TNRC18: variants seen among roughly 807,000 people sequenced by gnomAD.
TNRC18 encodes the protein trinucleotide repeat containing 18, also known as trinucleotide repeat-containing gene 18 protein.
Under a neutral mutation model 226.7 loss-of-function variants are expected in TNRC18, and 69 were observed. That is an observed-to-expected ratio of 0.30 (90% CI 0.25 to 0.37). TNRC18 has a LOEUF of 0.37. Among genes scored for constraint, TNRC18 ranks in the 10% least tolerant of loss-of-function variants. The pLI is 1.00. For missense variants in TNRC18, 4,754 were observed against 4,256.6 expected (o/e 1.12, Z -3.25); for synonymous variants, 2,449 against 1,927.6 (o/e 1.27, Z -7.09).
chr7:5,321,405 C>G (rs1788344453), intron 21 of TNRC18, among the ~76,000 whole-genome samples: 2 of 152,076 alleles, frequency 1.3e-5, no homozygotes, highest in Non-Finnish European at 2.9e-5. Flanking sequence ...CGTGGCCAGC[C>G]CCTCTCCTCC....
Position 5,363,630 on chromosome 7 carries a change from G to T in TNRC18, c.4220-805C>A, listed in dbSNP as rs369696730. ...ATCAATCAATCAATCAATCGAACAG[G>T]AGAGAAGGCAGCACGCCTGGCACAG... On this transcript the variant is annotated intron_variant, in intron 11 of 29. Transcript: ENST00000430969. 1.4e-4 allele frequency among the ~76,000 whole-genome samples: 21 copies of T among 152,176 alleles called. No individual in the cohort carries two copies. The East Asian group carries it at 3.1e-3, about 22-fold the overall frequency.
At chr7:5,407,700 G>GCCAGCCAATGATATGCAAATACGTCCATC in intron 2 of TNRC18, among the ~76,000 whole-genome samples, 1 of 152,230 alleles carries the variant, frequency 6.6e-6, no homozygotes, top group Non-Finnish European at 1.5e-5. Flanking sequence ...AAGGCCTCAG[G>GCCAGCCAATGATATGCAAATACGTCCATC]CCAGCCAATG....
At chr7:5,383,099 A>C (rs1318589422) in intron 5 of TNRC18, among the ~76,000 whole-genome samples, 1 of 151,826 alleles carries the variant, frequency 6.6e-6, no homozygotes, top group East Asian at 1.9e-4. Flanking sequence ...TCGGGGTTTC[A>C]CTATGTTGCC....
chr7:5,400,572 ACTG>A (rs1781015081), intron 2 of TNRC18, among the ~76,000 whole-genome samples: 2 of 152,314 alleles, frequency 1.3e-5, no homozygotes, highest in South Asian at 4.1e-4. Context: ...AGATCACGCC[ACTG>A]CACTCCAGCC....
chr7:5,405,670 G>T (rs1314642568), intron 2 of TNRC18, among the ~76,000 whole-genome samples: 1 of 152,176 alleles, frequency 6.6e-6, no homozygotes, highest in Non-Finnish European at 1.5e-5. Context: ...GTGAACCCAG[G>T]AGGGGGAGGT....
chr7:5,350,386 G>C (rs1476428126), intron 17 of TNRC18, among the ~76,000 whole-genome samples: 1 of 151,256 alleles, frequency 6.6e-6, no homozygotes, highest in Admixed American at 6.6e-5. Context: ...GGTCTGGGAG[G>C]GGAGGCGGTA....
rs1788776412 is a variant in TNRC18 at position 5,325,231 on chromosome 7, C to T, written c.6165G>A (p.Glu2055=). The change falls in exon 20 of 30, where the codon GAG becomes GAA. Residue 2055 remains glutamate (E), a synonymous_variant. Transcript: ENST00000430969. The part of the protein sequence containing the change: ...KDPRKKKKGK[E]AGPGAGLPPP... ...GCGGCAGCCCAGCTCCTGGCCCAGC[C>T]TCTTTCCCTTTCTTCTTCTGGAGGA... 1.3e-6 allele frequency: 2 copies of T among 1,553,800 alleles called. No homozygotes were observed. The highest frequency in any genetic ancestry group is 3.9e-5 in the Admixed American group (2 of 51,624).
chr7:5,374,196 GGGA>G lies in TNRC18; in HGVS notation c.3085_3087del (p.Ser1029del). The G allele has an allele frequency of 7.0e-7, 1 of 1,436,156 alleles. No individual in the cohort carries two copies. Among genetic ancestry groups the G allele is most frequent in the Non-Finnish European group, 9.1e-7 (1 of 1,094,444 alleles). The allele number at this position is 1,436,156 out of a possible 1,614,324, so 89.0% of individuals were successfully genotyped here. On this transcript the variant is annotated inframe_deletion, in exon 10 of 30. Coordinates refer to ENST00000430969, the MANE Select transcript of TNRC18 (RefSeq NM_001080495.3). ...GAGGCGGGCGGCGGGCTGGTGGGGT[GGGA>G]GCTGGGGGTGGCGGGGTAGGCGTAG...
At position 5,317,821 on chromosome 7, in the gene TNRC18, T is replaced by C. The variant is rs372650948; in HGVS notation, c.6746-1749A>G. On this transcript the variant is annotated intron_variant, in intron 24 of 29. Transcript: ENST00000430969. ...CCCAGGCTCAGGTGATCCTCCCACT[T>C]CGGTCTCCCAAGTAGCTAGGACAAC... Among the ~76,000 whole-genome samples, 52 of 151,748 alleles carry C rather than the reference T, an allele frequency of 3.4e-4. No homozygotes were observed. In the East Asian group the frequency reaches 8.9e-3, roughly 26 times the overall value.
intron 21 of TNRC18, among the ~76,000 whole-genome samples, chr7:5,322,808 G>A (rs1788511395): frequency 6.6e-6 from 1 of 152,192 alleles, no homozygotes; most frequent in Non-Finnish European, 1.5e-5. Context: ...GCTGGGAGAG[G>A]GATGGGTGGG....
Position 5,332,690 on chromosome 7 carries a change from C to T in TNRC18, c.6079G>A (p.Ala2027Thr), listed in dbSNP as rs1289004181. The T allele has an allele frequency of 7.2e-6, 11 of 1,530,070 alleles. No individual in the cohort carries two copies. In the South Asian group the frequency reaches 8.5e-5, roughly 12 times the overall value. The allele number at this position is 1,530,070 out of a possible 1,614,324, so 94.8% of individuals were successfully genotyped here. The part of the protein sequence containing the change: ...TAPATKTSRC[A>T]KGGPLSPRKD... ...CGCGGGCTCAGGGGGCCGCCCTTGG[C>T]GCAGCGGCTGGTCTTGGTGGCGGGC... The change falls in exon 19 of 30, where the codon GCC becomes ACC. Residue 2027 changes from alanine (A) to threonine (T), a missense_variant. Ala to Thr is a moderately conservative substitution (Grantham distance 58). Coordinates refer to ENST00000430969, the MANE Select transcript of TNRC18 (RefSeq NM_001080495.3).
At chr7:5,369,896 G>A (rs1793983892) in intron 11 of TNRC18, among the ~76,000 whole-genome samples, 1 of 152,020 alleles carries the variant, frequency 6.6e-6, no homozygotes, top group Non-Finnish European at 1.5e-5. Context: ...TCACTCAACA[G>A]GACGCTTAAA....
chr7:5,315,003 G>C lies in TNRC18; in HGVS notation c.7008C>G (p.Pro2336=), dbSNP rs1418131402. 20 of 1,607,338 alleles carry C rather than the reference G, an allele frequency of 1.2e-5. No individual in the cohort carries two copies. The highest frequency in any genetic ancestry group is 1.5e-5 in the Non-Finnish European group (18 of 1,177,814). Residue 2336 remains proline (P), a synonymous_variant, in exon 26 of 30, where the codon CCC becomes CCG. Coordinates refer to ENST00000430969, the MANE Select transcript of TNRC18 (RefSeq NM_001080495.3). ...ACCTACCACCCTTGGCCTTGGCGCT[G>C]GGTTTCCGCCCACGCCCACGGGCCT... The part of the protein sequence containing the change: ...GAKARGRGRK[P]SAKAKGDRAA...
intron 2 of TNRC18, among the ~76,000 whole-genome samples, chr7:5,396,458 G>C (rs1022813428): frequency 1.3e-5 from 2 of 152,186 alleles, no homozygotes; most frequent in Non-Finnish European, 2.9e-5. Flanking sequence ...GGAGCTGGGA[G>C]ACTGCAGTGA....
intron 9 of TNRC18, 126 bp downstream of exon 9, chr7:5,375,908 G>C: frequency 4.1e-6 from 4 of 973,074 alleles, no homozygotes; most frequent in Non-Finnish European, 6.0e-6. Flanking sequence ...AGCCCTCCCT[G>C]ACCACCTGCC....
At position 5,308,190 on chromosome 7, in the gene TNRC18, G is replaced by A. The variant is rs575914521; in HGVS notation, c.8823C>T (p.Ser2941=). ...TGCCCGCGAGGTAGTACAGGCCCTC[G>A]CTGTCCTGGTACTTCTTGGTCTTCA... ...QMLKTKKYQD[S]EGLYYLAGTY... is the part of the protein sequence containing the mutation. The change falls in exon 30 of 30, where the codon AGC becomes AGT. Residue 2941 remains serine (S), a synonymous_variant. Transcript: ENST00000430969. The A allele has an allele frequency of 1.0e-4, 160 of 1,605,072 alleles. 1 individual carries two copies. The South Asian group carries it at 1.1e-3, about 11-fold the overall frequency.
chr7:5,338,772 T>C (rs1000313898), intron 18 of TNRC18, among the ~76,000 whole-genome samples: 87 of 148,780 alleles, frequency 5.8e-4, no homozygotes, highest in African/African-American at 2.1e-3. Context: ...AATACAAAAT[T>C]AGCCAGGCAT....
intron 17 of TNRC18, 122 bp from the exon 18 acceptor site, chr7:5,345,932 G>T: frequency 7.3e-7 from 1 of 1,366,968 alleles, no homozygotes; most frequent in Non-Finnish European, 9.6e-7. Flanking sequence ...TGAGCAGGGG[G>T]CCGCTGGGGG....
chr7:5,334,178 G>T (rs1165068654), intron 18 of TNRC18, among the ~76,000 whole-genome samples: 1 of 152,214 alleles, frequency 6.6e-6, no homozygotes, highest in Non-Finnish European at 1.5e-5. Flanking sequence ...ACCCCGGGGG[G>T]CAGCCGTGAG....
Sources: allele counts gnomAD v4.1 joint callset (sites outside exome capture counted in the v4.1 genomes callset), GRCh38; gene constraint gnomAD v4.1.1; transcripts MANE v1.5; gene names NCBI Gene and HGNC (gene_info 2026-07-23, HGNC 2026-07-21).